Variants in SPOCK1 observed in about 807,000 individuals in gnomAD.
SPOCK1 encodes SPARC (osteonectin), cwcv and kazal like domains proteoglycan 1, also known as testican-1.
Under a neutral mutation model 55.3 loss-of-function variants are expected in SPOCK1, and 23 were observed. The observed-to-expected ratio is 0.42, with a 90% CI of 0.30 to 0.59. The LOEUF is 0.59. SPOCK1 is among the 20% of genes least tolerant of loss of function. SPOCK1 has a pLI of 0.22. For synonymous variants in SPOCK1, 226 were observed against 221.0 expected (o/e 1.02, Z -0.20); for missense variants, 499 against 552.5 (o/e 0.90, Z 0.97).
intron 6 of SPOCK1, among the ~76,000 whole-genome samples, chr5:137,034,788 T>C (rs191615134): frequency 6.6e-6 from 1 of 152,124 alleles, no homozygotes; most frequent in Non-Finnish European, 1.5e-5. Flanking sequence ...GATCCACAGT[T>C]GAGAAAGGGC....
At chr5:137,361,663 G>A (rs1360145626) in intron 2 of SPOCK1, among the ~76,000 whole-genome samples, 1 of 152,126 alleles carries the variant, frequency 6.6e-6, no homozygotes, top group African/African-American at 2.4e-5. Flanking sequence ...TCATCTGGGT[G>A]GTAAGATTTG....
intron 2 of SPOCK1, among the ~76,000 whole-genome samples, chr5:137,418,975 G>C (rs1752419673): frequency 6.6e-6 from 1 of 152,150 alleles, no homozygotes; most frequent in Non-Finnish European, 1.5e-5. Context: ...ATTAATTTTT[G>C]TATAAGGTGT....
At chr5:137,167,553 G>C (rs879544423) in intron 3 of SPOCK1, among the ~76,000 whole-genome samples, 1 of 151,946 alleles carries the variant, frequency 6.6e-6, no homozygotes, top group Non-Finnish European at 1.5e-5. Context: ...CTCAAGGATG[G>C]ACCTTTTTTG....
chr5:137,484,243 G>T (rs536379333), intron 2 of SPOCK1, among the ~76,000 whole-genome samples: 1 of 152,310 alleles, frequency 6.6e-6, no homozygotes, highest in African/African-American at 2.4e-5. Flanking sequence ...TTAGGAACAA[G>T]GCTGAGATTC....
chr5:137,064,022 C>T lies in SPOCK1; in HGVS notation c.589+3693G>A, dbSNP rs145246140. On this transcript the variant is annotated intron_variant, in intron 6 of 10. Transcript: ENST00000394945. ...AGAAGAAGCTGAGAGGGCTAGTAAA[C>T]CCAGAGAAATCTAACAGAGAAGAAA... Among the ~76,000 whole-genome samples the T allele has an allele frequency of 1.1e-3, 166 of 152,182 alleles. 4 individuals carry two copies. The Middle Eastern group carries it at 0.027, about 25-fold the overall frequency.
chr5:137,132,741 T>G (rs1413948325), intron 4 of SPOCK1, among the ~76,000 whole-genome samples: 1 of 152,206 alleles, frequency 6.6e-6, no homozygotes, highest in African/African-American at 2.4e-5. Flanking sequence ...GATCCAGTGC[T>G]TTGGGGTCAA....
chr5:137,214,027 A>T (rs1035072366), intron 3 of SPOCK1, among the ~76,000 whole-genome samples: 13 of 152,214 alleles, frequency 8.5e-5, no homozygotes, highest in African/African-American at 3.1e-4. Flanking sequence ...CTCAAGTGCA[A>T]CGGCCTTTGT....
At chr5:137,024,786 G>A (rs1751639862) in intron 6 of SPOCK1, among the ~76,000 whole-genome samples, 1 of 152,034 alleles carries the variant, frequency 6.6e-6, no homozygotes, top group Non-Finnish European at 1.5e-5. Context: ...ACAGAAATCA[G>A]GATCTCAAAG....
chr5:137,410,956 A>T (rs1752197951), intron 2 of SPOCK1, among the ~76,000 whole-genome samples: 1 of 152,206 alleles, frequency 6.6e-6, no homozygotes, highest in South Asian at 2.1e-4. Context: ...GGACCTCAGG[A>T]AAGTTTGTTT....
At chr5:136,993,203 CTATT>C (rs1401594000) in intron 6 of SPOCK1, 3 of 152,154 alleles carry the variant, frequency 2.0e-5, no homozygotes, top group African/African-American at 7.2e-5. Flanking sequence ...CCATCTATAA[CTATT>C]TAGTCATTTC....
At chr5:137,098,049 G>A (rs192856969) in intron 5 of SPOCK1, among the ~76,000 whole-genome samples, 4 of 152,270 alleles carry the variant, frequency 2.6e-5, no homozygotes, top group Non-Finnish European at 4.4e-5. Context: ...AGACTTCCTT[G>A]GGGAGGGGGT....
chr5:137,200,122 T>C (rs562301381), intron 3 of SPOCK1, among the ~76,000 whole-genome samples: 55 of 152,336 alleles, frequency 3.6e-4, no homozygotes, highest in Non-Finnish European at 7.3e-4. Flanking sequence ...AGTCCTTCTG[T>C]ATTAGTCATG....
At chr5:137,399,471 A>G (rs1254731351) in intron 2 of SPOCK1, among the ~76,000 whole-genome samples, 2 of 152,130 alleles carry the variant, frequency 1.3e-5, no homozygotes, top group African/African-American at 4.8e-5. Context: ...GTGAGTTTGC[A>G]GATAAGTATA....
At chr5:137,496,327 G>T (rs2149846645) in intron 2 of SPOCK1, among the ~76,000 whole-genome samples, 1 of 152,254 alleles carries the variant, frequency 6.6e-6, no homozygotes, top group East Asian at 1.9e-4. Flanking sequence ...TAATAAAGAT[G>T]GGAAATGAAC....
chr5:137,005,669 G>C (rs1456849425), intron 6 of SPOCK1, among the ~76,000 whole-genome samples: 1 of 151,990 alleles, frequency 6.6e-6, no homozygotes, highest in Admixed American at 6.6e-5. Flanking sequence ...ATACAAGAGA[G>C]AAGGATGCCA....
At chr5:137,357,112 T>C (rs1197465765) in intron 2 of SPOCK1, among the ~76,000 whole-genome samples, 8 of 151,892 alleles carry the variant, frequency 5.3e-5, no homozygotes, top group African/African-American at 1.9e-4. Flanking sequence ...CATGGCTCCA[T>C]CTTCCCTATA....
intron 2 of SPOCK1, among the ~76,000 whole-genome samples, chr5:137,423,279 G>T (rs7724781): frequency 0.016 from 2,366 of 152,280 alleles, 68 homozygotes; most frequent in African/African-American, 0.054. Context: ...ATCTCCAGCT[G>T]CATTCTGGGA....
chr5:137,464,392 A>G (rs1346128369), intron 2 of SPOCK1, among the ~76,000 whole-genome samples: 2 of 152,206 alleles, frequency 1.3e-5, no homozygotes, highest in Non-Finnish European at 2.9e-5. Context: ...TTCCTGTATT[A>G]ACATATTTCA....
In SPOCK1 at chr5:137,403,471, G is replaced by A. The variant is rs112027370; in HGVS notation, c.186+94902C>T. Reference sequence around the variant, plus strand: ...TTGCCATCATCAAATTCACATTCTAGCAGACAGAAGTGGAAAATAAGAGAC... The same window carrying A: ...TTGCCATCATCAAATTCACATTCTAACAGACAGAAGTGGAAAATAAGAGAC... On this transcript the variant is annotated intron_variant, in intron 2 of 10. Coordinates refer to ENST00000394945, the MANE Select transcript of SPOCK1 (RefSeq NM_004598.4). 2.8e-3 allele frequency among the ~76,000 whole-genome samples: 429 copies of A among 152,266 alleles called. 3 individuals carry two copies. The highest frequency in any genetic ancestry group is 6.2e-3 in the Admixed American group (95 of 15,294).
Sources: gnomAD v4.1 joint callset for allele counts (sites outside exome capture counted in the v4.1 genomes callset) on GRCh38, gnomAD v4.1.1 for gene constraint, MANE v1.5 for transcripts, NCBI Gene and HGNC (gene_info 2026-07-23, HGNC 2026-07-21) for gene names.